Variants in TBCK observed in about 807,000 individuals in gnomAD.
The protein encoded by TBCK is TBC domain-containing protein kinase-like protein.
A neutral mutation model predicts 113.4 loss-of-function variants in TBCK; 99 were observed. The ratio of observed to expected loss-of-function variants is 0.87; its 90% CI spans 0.74 to 1.03. TBCK has a LOEUF of 1.03. TBCK is among the 50% of genes least tolerant of loss of function. TBCK has a pLI of 0.00. For synonymous variants in TBCK, 369 were observed against 370.8 expected, an observed-to-expected ratio of 1.00 and a Z score of 0.05; for missense variants, 1,045 against 1,061.3, an observed-to-expected ratio of 0.98 and a Z score of 0.21.
chr4:106,128,474 A>G (rs1745487621), intron 23 of TBCK, among the ~76,000 whole-genome samples: 1 of 152,244 alleles, frequency 6.6e-6, no homozygotes, highest in African/African-American at 2.4e-5. Flanking sequence ...TAGTTACAAC[A>G]TACACACAAC....
rs2150060864 is a variant in TBCK at position 106,250,454 on chromosome 4, C to T, written c.622G>A (p.Asp208Asn). 1 of 1,563,994 alleles carries T rather than the reference C, an allele frequency of 6.4e-7. No homozygotes were observed. The highest frequency in any genetic ancestry group is 8.7e-7 in the Non-Finnish European group (1 of 1,145,900). The change falls in exon 7 of 26, where the codon GAT (aspartate) becomes AAT (asparagine). Residue 208 changes from aspartate to asparagine, a missense_variant. Coordinates refer to ENST00000394708, the MANE Select transcript of TBCK (RefSeq NM_001163435.3). ...CVGRKLFQSLDISERLKFLLT... is the reference protein window; with the variant it reads ...CVGRKLFQSLNISERLKFLLT... ...AAAAATTTTAGTCTTTCAGAAATAT[C>T]CAAGCTCTGAAATAATTTTCTTCCC... is the stretch of plus-strand genomic sequence containing the variant.
At chr4:106,159,215 C>T (rs1749469383) in intron 23 of TBCK, among the ~76,000 whole-genome samples, 1 of 152,030 alleles carries the variant, frequency 6.6e-6, no homozygotes, top group Non-Finnish European at 1.5e-5. Flanking sequence ...GAGAGCTTTT[C>T]CTCTGACATA....
chr4:106,188,895 C>T (rs545484222), intron 22 of TBCK, among the ~76,000 whole-genome samples: 1 of 152,276 alleles, frequency 6.6e-6, no homozygotes, highest in South Asian at 2.1e-4. Context: ...ATCAGTCATG[C>T]TCCTGGCTGC....
In TBCK at chr4:106,042,266, T is replaced by C. The variant is rs531353543; in HGVS notation, c.*4304A>G. Reference sequence around the variant, plus strand: ...CAATGGGATTACTAGTTACAACTGATAGAATGAAATATCTGCCAACCCTTT... The same window carrying C: ...CAATGGGATTACTAGTTACAACTGACAGAATGAAATATCTGCCAACCCTTT... On this transcript the variant is annotated 3_prime_UTR_variant, in exon 26 of 26. Transcript: ENST00000394708. The C allele has an allele frequency of 5.9e-4, 90 of 152,360 alleles. 3 individuals are homozygous for C. Among genetic ancestry groups the C allele is most frequent in the Admixed American group, 1.7e-3 (26 of 15,308 alleles). 9.4% of individuals were successfully genotyped at this position (152,360 alleles called of 1,614,324 possible).
chr4:106,131,306 A>G (rs1745891800), intron 23 of TBCK, among the ~76,000 whole-genome samples: 1 of 152,228 alleles, frequency 6.6e-6, no homozygotes, highest in South Asian at 2.1e-4. Flanking sequence ...CATTATTAGC[A>G]GCATGAAAAG....
intron 24 of TBCK, among the ~76,000 whole-genome samples, chr4:106,112,764 T>A (rs1743015834): frequency 6.6e-6 from 1 of 152,198 alleles, no homozygotes; most frequent in Admixed American, 6.5e-5. Flanking sequence ...CACTGGCTTA[T>A]GACCATGATC....
intron 23 of TBCK, among the ~76,000 whole-genome samples, chr4:106,118,832 T>C (rs998662609): frequency 1.3e-5 from 2 of 152,130 alleles, no homozygotes; most frequent in Non-Finnish European, 2.9e-5. Context: ...TGGGAGGAGT[T>C]TTTCAAAGGA....
upstream of TBCK, chr4:106,316,484 T>C: frequency 6.6e-7 from 1 of 1,505,242 alleles, no homozygotes; most frequent in South Asian, 1.2e-5. Context: ...ACACTCAGGC[T>C]TTCAGCAAGG....
chr4:106,107,301 C>G (rs1007962257), intron 24 of TBCK, among the ~76,000 whole-genome samples: 60 of 152,320 alleles, frequency 3.9e-4, no homozygotes, highest in African/African-American at 1.1e-3. Flanking sequence ...CACACCTTTA[C>G]AGACGTCTCC....
At chr4:106,217,478 C>T (rs980221794) in intron 19 of TBCK, among the ~76,000 whole-genome samples, 2 of 152,204 alleles carry the variant, frequency 1.3e-5, no homozygotes, top group African/African-American at 4.8e-5. Context: ...CCCATTGTCT[C>T]AGCCCCAAAT....
chr4:106,185,791 G>A (rs559233956), intron 22 of TBCK, among the ~76,000 whole-genome samples: 5 of 152,154 alleles, frequency 3.3e-5, no homozygotes, highest in South Asian at 2.1e-4. Flanking sequence ...GGTAGGTTGC[G>A]TGCTGCAGAG....
At chr4:106,189,068 T>G (rs1753362422) in intron 22 of TBCK, among the ~76,000 whole-genome samples, 1 of 152,196 alleles carries the variant, frequency 6.6e-6, no homozygotes, top group African/African-American at 2.4e-5. Context: ...TCAGTGACTA[T>G]ACACCATGCC....
chr4:106,200,181 T>C (rs1754716734), intron 20 of TBCK, among the ~76,000 whole-genome samples: 1 of 152,254 alleles, frequency 6.6e-6, no homozygotes, highest in African/African-American at 2.4e-5. Context: ...CTCTTTCCTT[T>C]GCTTTCTTAA....
intron 7 of TBCK, among the ~76,000 whole-genome samples, chr4:106,249,866 T>C (rs1023912839): frequency 2.6e-5 from 4 of 152,168 alleles, no homozygotes; most frequent in Admixed American, 2.6e-4. Flanking sequence ...CTCTTTTGCA[T>C]AAAGTGTTCT....
At chr4:106,208,270 C>A (rs1388804179) in intron 20 of TBCK, among the ~76,000 whole-genome samples, 1 of 152,144 alleles carries the variant, frequency 6.6e-6, no homozygotes, top group Non-Finnish European at 1.5e-5. Flanking sequence ...AGGTCTCATA[C>A]ATATCTACAG....
chr4:106,190,922 A>T (rs1235822145), intron 22 of TBCK, among the ~76,000 whole-genome samples: 1 of 152,144 alleles, frequency 6.6e-6, no homozygotes, highest in Non-Finnish European at 1.5e-5. Context: ...TTGTATTTTT[A>T]GTAGAGATAG....
At chr4:106,151,104 T>C (rs1560725109) in intron 23 of TBCK, among the ~76,000 whole-genome samples, 1 of 152,074 alleles carries the variant, frequency 6.6e-6, no homozygotes, top group Non-Finnish European at 1.5e-5. Context: ...ATGCATTACA[T>C]GAGATATTTT....
At chr4:106,067,708 T>A (rs1257725405) in intron 25 of TBCK, among the ~76,000 whole-genome samples, 1 of 152,326 alleles carries the variant, frequency 6.6e-6, no homozygotes, top group East Asian at 1.9e-4. Flanking sequence ...ATTTTTTGCG[T>A]GTGGATATTC....
At chr4:106,279,171 A>T (rs115176682) in intron 3 of TBCK, among the ~76,000 whole-genome samples, 35 of 152,296 alleles carry the variant, frequency 2.3e-4, no homozygotes, top group Non-Finnish European at 4.3e-4. Flanking sequence ...CTAATTACTA[A>T]TCTCCTACCT....
Sources: allele counts gnomAD v4.1 joint callset (sites outside exome capture counted in the v4.1 genomes callset), GRCh38; gene constraint gnomAD v4.1.1; transcripts MANE v1.5; gene names NCBI Gene and HGNC (gene_info 2026-07-23, HGNC 2026-07-21).